Variants in ARHGAP31 observed in about 807,000 individuals in gnomAD.
The protein encoded by ARHGAP31 is Rho GTPase activating protein 31.
Under a neutral mutation model 113.9 loss-of-function variants are expected in ARHGAP31, and 34 were observed. That is an observed-to-expected ratio of 0.30 (90% confidence interval 0.23 to 0.40). The LOEUF (loss-of-function observed/expected upper bound fraction) is 0.40. Among genes scored for constraint, ARHGAP31 ranks in the 10% least tolerant of loss-of-function variants. The pLI, the probability that ARHGAP31 is intolerant of heterozygous loss-of-function variation, is 1.00. For missense variants in ARHGAP31, 1,548 were observed against 1,767.1 expected (o/e 0.88, Z 2.22); for synonymous variants, 650 against 684.8 (o/e 0.95, Z 0.79).
chr3:119,386,569 G>T (rs1486999918), intron 6 of ARHGAP31, among the ~76,000 whole-genome samples: 1 of 152,198 alleles, frequency 6.6e-6, no homozygotes, highest in Non-Finnish European at 1.5e-5. Context: ...GGGTCAGTGG[G>T]TCTCTCCCTG....
intron 6 of ARHGAP31, among the ~76,000 whole-genome samples, chr3:119,383,457 A>G (rs1419017943): frequency 1.3e-5 from 2 of 152,374 alleles, no homozygotes; most frequent in East Asian, 3.9e-4. Context: ...AATCAGTTAC[A>G]TACATGGCCT....
At chr3:119,402,562 G>T (rs2080621831) in intron 10 of ARHGAP31, among the ~76,000 whole-genome samples, 165 bp downstream of exon 10, 1 of 152,174 alleles carries the variant, frequency 6.6e-6, no homozygotes, top group African/African-American at 2.4e-5. Context: ...ATCTTCAGCA[G>T]GTTAATGTAA....
At chr3:119,356,674 A>G (rs2080161652) in intron 1 of ARHGAP31, among the ~76,000 whole-genome samples, 1 of 152,096 alleles carries the variant, frequency 6.6e-6, no homozygotes, top group Non-Finnish European at 1.5e-5. Context: ...AGATGCTAGC[A>G]TACCATTATT....
chr3:119,399,132 G>A, intron 8 of ARHGAP31, 67 bp from the exon 9 acceptor site: 1 of 1,436,328 alleles, frequency 7.0e-7, no homozygotes, highest in Non-Finnish European at 9.8e-7. Context: ...TAAACAGCCT[G>A]ACCTATTTTT....
chr3:119,403,775 CA>C (rs1333074543), intron 10 of ARHGAP31, among the ~76,000 whole-genome samples: 1 of 152,132 alleles, frequency 6.6e-6, no homozygotes, highest in African/African-American at 2.4e-5. Flanking sequence ...GCATTCTGAG[CA>C]GCTACATGTT....
chr3:119,401,187 A>AG lies in ARHGAP31; in HGVS notation c.1070-635_1070-634insG, dbSNP rs2080603074. On this transcript the variant is annotated intron_variant, in intron 9 of 11. Transcript: ENST00000264245. ...CTCCATCTCAAAAAAAAAAAAAAAA[A>AG]TTCACTCCTCACAACTGTGCTTTCT... 2.0e-5 allele frequency among the ~76,000 whole-genome samples: 3 copies of AG among 150,798 alleles called. No homozygotes were observed. The South Asian group carries it at 6.3e-4, about 32-fold the overall frequency.
At chr3:119,412,114 A>G (rs2107645805) in intron 11 of ARHGAP31, among the ~76,000 whole-genome samples, 1 of 152,360 alleles carries the variant, frequency 6.6e-6, no homozygotes, top group Non-Finnish European at 1.5e-5. Flanking sequence ...AAATTGGGCC[A>G]GGCATGGTGG....
chr3:119,390,789 C>G lies in ARHGAP31; in HGVS notation c.687C>G (p.Asn229Lys), dbSNP rs1229093074. The part of the protein sequence containing the change: ...GAPGSLENDE[N>K]RPIMKSLTLP... ...GCTCTTCCATTGCCTTTACAGAAAA[C>G]CGGCCCATCATGAAGAGCCTGACCT... Residue 229 changes from asparagine to lysine, a missense_variant, in exon 7 of 12, where the codon AAC (asparagine) becomes AAG (lysine). Transcript: ENST00000264245. The G allele has an allele frequency of 6.2e-7, 1 of 1,612,234 alleles. No individual in the cohort carries two copies. Among genetic ancestry groups the G allele is most frequent in the Admixed American group, 1.7e-5 (1 of 60,020 alleles).
chr3:119,371,381 T>A (rs1032137592), intron 3 of ARHGAP31, among the ~76,000 whole-genome samples: 1 of 152,246 alleles, frequency 6.6e-6, no homozygotes, highest in Non-Finnish European at 1.5e-5. Flanking sequence ...CTTGTCAACC[T>A]GTCTTCAGAT....
chr3:119,329,791 CTG>C (rs2079875371), intron 1 of ARHGAP31: 1 of 985,200 alleles, frequency 1.0e-6, no homozygotes, highest in Admixed American at 6.1e-5. Context: ...AAAGGACAGA[CTG>C]TTCTGTGACT....
intron 8 of ARHGAP31, among the ~76,000 whole-genome samples, chr3:119,398,517 C>T (rs2080571239): frequency 6.6e-6 from 1 of 152,170 alleles, no homozygotes; most frequent in South Asian, 2.1e-4. Flanking sequence ...GTGAATGCAT[C>T]TATGTAATGC....
intron 6 of ARHGAP31, among the ~76,000 whole-genome samples, chr3:119,386,017 T>G (rs1004028089): frequency 6.6e-6 from 1 of 152,282 alleles, no homozygotes; most frequent in African/African-American, 2.4e-5. Flanking sequence ...ACCATCTTTT[T>G]GTCCTGCATA....
At chr3:119,365,239 T>C (rs1451792985) in intron 1 of ARHGAP31, 77 bp from the exon 2 acceptor site, 8 of 1,257,296 alleles carry the variant, frequency 6.4e-6, no homozygotes, top group Non-Finnish European at 9.1e-6. Flanking sequence ...GGTACCTGGA[T>C]TTTTAAAAGG....
At chr3:119,331,341 TG>T (rs2079890240) in intron 1 of ARHGAP31, among the ~76,000 whole-genome samples, 1 of 152,212 alleles carries the variant, frequency 6.6e-6, no homozygotes, top group Non-Finnish European at 1.5e-5. Flanking sequence ...ACTTTTCTTC[TG>T]TGTGTATGTA....
intron 1 of ARHGAP31, among the ~76,000 whole-genome samples, chr3:119,349,490 C>T (rs112738513): frequency 4.2e-4 from 64 of 152,256 alleles, no homozygotes; most frequent in African/African-American, 1.5e-3. Context: ...AATGCAAAGG[C>T]AGAAGGGGTG....
chr3:119,308,145 A>G (rs1364814583), intron 1 of ARHGAP31, among the ~76,000 whole-genome samples: 1 of 152,130 alleles, frequency 6.6e-6, no homozygotes, highest in African/African-American at 2.4e-5. Context: ...GTAAAATGCT[A>G]CAGATGACAA....
chr3:119,304,249 A>G (rs2079610963), intron 1 of ARHGAP31, among the ~76,000 whole-genome samples: 1 of 152,194 alleles, frequency 6.6e-6, no homozygotes, highest in Admixed American at 6.5e-5. Flanking sequence ...GAAAACAACT[A>G]AAAGAAGTAC....
At chr3:119,409,168 C>A (rs58968288) in intron 10 of ARHGAP31, among the ~76,000 whole-genome samples, 19,881 of 152,172 alleles carry the variant, frequency 0.13, 1,375 homozygotes, top group South Asian at 0.18. Context: ...ATTCACCCCT[C>A]CCCAATGTTG....
intron 7 of ARHGAP31, among the ~76,000 whole-genome samples, chr3:119,392,936 G>A (rs2121994): frequency 0.1 from 15,222 of 152,152 alleles, 963 homozygotes; most frequent in Admixed American, 0.16. Context: ...GGTCTTTAGT[G>A]TTTACTCCTG....
Sources: allele counts gnomAD v4.1 joint callset (sites outside exome capture counted in the v4.1 genomes callset), GRCh38; gene constraint gnomAD v4.1.1; transcripts MANE v1.5; gene names NCBI Gene and HGNC (gene_info 2026-07-23, HGNC 2026-07-21).